RELN: variants seen among roughly 807,000 people sequenced by gnomAD.
RELN encodes reelin.
Under a neutral mutation model 427.6 loss-of-function variants are expected in RELN, and 108 were observed. The observed-to-expected ratio is 0.25, with a 90% confidence interval of 0.22 to 0.30. The LOEUF (loss-of-function observed/expected upper bound fraction) is 0.30. RELN is among the 10% of genes least tolerant of loss of function. The probability of loss-of-function intolerance (pLI) is 1.00; values close to 1 mark genes in which losing one functional copy is unlikely to be tolerated. For synonymous variants in RELN, 1,524 were observed against 1,513.4 expected, an observed-to-expected ratio of 1.01 and a Z score of -0.16; for missense variants, 3,715 against 4,302.8, an observed-to-expected ratio of 0.86 and a Z score of 3.82.
chr7:103,621,065 T>C (rs1832207667), intron 20 of RELN, among the ~76,000 whole-genome samples: 2 of 152,212 alleles, frequency 1.3e-5, no homozygotes, highest in South Asian at 2.1e-4. Flanking sequence ...TTTAAGACTT[T>C]TGTAGGACCT....
At chr7:103,539,458 C>A (rs1830129198) in intron 44 of RELN, 131 bp from the exon 45 acceptor site, 3 of 903,292 alleles carry the variant, frequency 3.3e-6, no homozygotes, top group Non-Finnish European at 5.1e-6. Context: ...GGACGGCCAG[C>A]AGAATGTGAG....
chr7:103,802,235 G>C (rs766819923), intron 3 of RELN, among the ~76,000 whole-genome samples: 21 of 152,072 alleles, frequency 1.4e-4, no homozygotes, highest in Non-Finnish European at 2.9e-4. Flanking sequence ...ACAGGGTCTT[G>C]CAAAACTTTT....
At chr7:103,759,422 T>A (rs1017834113) in intron 4 of RELN, among the ~76,000 whole-genome samples, 1 of 152,152 alleles carries the variant, frequency 6.6e-6, no homozygotes. Flanking sequence ...CTTCTTGGTC[T>A]CTTTAAACAA....
At chr7:103,521,998 A>G (rs1472323902) in intron 48 of RELN, 24 bp downstream of exon 48, 1 of 1,612,738 alleles carries the variant, frequency 6.2e-7, no homozygotes, top group East Asian at 2.2e-5. Flanking sequence ...AGCAGAAATG[A>G]GTAACCAGCA....
At chr7:103,761,279 G>A (rs943702764) in intron 4 of RELN, among the ~76,000 whole-genome samples, 7 of 151,994 alleles carry the variant, frequency 4.6e-5, no homozygotes, top group African/African-American at 1.7e-4. Context: ...ATAAATAATG[G>A]GGCCTCAAAC....
At chr7:103,601,360 T>C (rs1438923721) in intron 24 of RELN, among the ~76,000 whole-genome samples, 1 of 152,222 alleles carries the variant, frequency 6.6e-6, no homozygotes, top group Non-Finnish European at 1.5e-5. Flanking sequence ...TGGACTCCTT[T>C]CCTGATTTTC....
intron 6 of RELN, among the ~76,000 whole-genome samples, chr7:103,737,223 C>CT (rs1790517305): frequency 6.6e-6 from 1 of 152,226 alleles, no homozygotes; most frequent in African/African-American, 2.4e-5. Flanking sequence ...TCACCATCTC[C>CT]TGTAGCCACT....
chr7:103,608,797 A>G (rs971758663), intron 22 of RELN, among the ~76,000 whole-genome samples: 1 of 152,240 alleles, frequency 6.6e-6, no homozygotes, highest in African/African-American at 2.4e-5. Context: ...ATAATAATGT[A>G]GCACACAATT....
At chr7:103,660,517 G>A (rs1002416226) in intron 12 of RELN, among the ~76,000 whole-genome samples, 1 of 152,178 alleles carries the variant, frequency 6.6e-6, no homozygotes, top group African/African-American at 2.4e-5. Context: ...ACCCTGAGCT[G>A]TATGATTATC....
At chr7:103,686,302 T>C (rs146856439) in intron 10 of RELN, among the ~76,000 whole-genome samples, 6 of 152,118 alleles carry the variant, frequency 3.9e-5, no homozygotes, top group East Asian at 1.9e-4. Context: ...AAGACCATTT[T>C]TGATAGCCAA....
intron 46 of RELN, among the ~76,000 whole-genome samples, chr7:103,527,111 C>T (rs1393633482): frequency 6.6e-6 from 1 of 152,144 alleles, no homozygotes; most frequent in African/African-American, 2.4e-5. Context: ...GGTATCTCTC[C>T]CTACACTACC....
At chr7:103,891,117 T>G (rs373818522) in intron 2 of RELN, among the ~76,000 whole-genome samples, 72 of 152,070 alleles carry the variant, frequency 4.7e-4, no homozygotes, top group African/African-American at 1.7e-3. Context: ...AAAAAGAAAG[T>G]GGAATTCCAT....
At chr7:103,928,178 A>G (rs1471844617) in intron 1 of RELN, among the ~76,000 whole-genome samples, 1 of 152,228 alleles carries the variant, frequency 6.6e-6, no homozygotes, top group Non-Finnish European at 1.5e-5. Context: ...AACAATTTCC[A>G]GTATCAATTA....
At chr7:103,673,150 A>C (rs183596343) in intron 11 of RELN, among the ~76,000 whole-genome samples, 83 of 152,148 alleles carry the variant, frequency 5.5e-4, no homozygotes, top group African/African-American at 1.9e-3. Flanking sequence ...GCTCCTGACA[A>C]ATTGTTTTCT....
chr7:103,546,674 A>G (rs1830303915), intron 41 of RELN, among the ~76,000 whole-genome samples: 1 of 152,200 alleles, frequency 6.6e-6, no homozygotes, highest in Non-Finnish European at 1.5e-5. Flanking sequence ...GAGCTCATAG[A>G]GGCCAATGTC....
intron 55 of RELN, 134 bp from the exon 56 acceptor site, chr7:103,496,902 C>CT: frequency 1.1e-6 from 1 of 926,114 alleles, no homozygotes; most frequent in Non-Finnish European, 1.7e-6. Context: ...ATTTTCCTGA[C>CT]TTTGATATTA....
In RELN at chr7:103,515,195, G is replaced by A; in HGVS notation, c.8109C>T (p.Asp2703=). 6.2e-7 allele frequency: 1 copy of A among 1,614,150 alleles called. No homozygotes were observed. The highest frequency in any genetic ancestry group is 8.5e-7 in the Non-Finnish European group (1 of 1,180,032). The change falls in exon 50 of 65, where the codon GAC becomes GAT. Residue 2703 remains aspartate, a synonymous_variant. Coordinates refer to ENST00000428762, the MANE Select transcript of RELN (RefSeq NM_005045.4). Reference sequence around the variant, plus strand: ...CTGTGCATAATTTACCTGAAGTTTTGTCTTCCATAAACATGTCAAAGGCGA... The same window carrying A: ...CTGTGCATAATTTACCTGAAGTTTTATCTTCCATAAACATGTCAAAGGCGA... ...GRIAFDMFME[D]KTSVNEHWLF...
intron 2 of RELN, among the ~76,000 whole-genome samples, chr7:103,870,722 G>T (rs1794310974): frequency 6.6e-6 from 1 of 152,000 alleles, no homozygotes; most frequent in Admixed American, 6.6e-5. Flanking sequence ...TCACCTTCTA[G>T]TATCTCTATT....
chr7:103,490,518 A>G (rs1003349953), intron 59 of RELN, 150 bp downstream of exon 59: 1 of 819,120 alleles, frequency 1.2e-6, no homozygotes, highest in Non-Finnish European at 2.1e-6. Flanking sequence ...TGGGTTGGTG[A>G]GAGGAGGGAG....
Sources: allele counts gnomAD v4.1 joint callset (sites outside exome capture counted in the v4.1 genomes callset), GRCh38; gene constraint gnomAD v4.1.1; transcripts MANE v1.5; gene names NCBI Gene and HGNC (gene_info 2026-07-23, HGNC 2026-07-21).